Variants in SLC5A5 observed in about 807,000 individuals in gnomAD.
SLC5A5 encodes the protein sodium/iodide cotransporter.
A neutral mutation model predicts 68.6 loss-of-function variants in SLC5A5; 56 were observed. The ratio of observed to expected loss-of-function variants is 0.82; its 90% CI spans 0.66 to 1.02. SLC5A5 has a LOEUF of 1.02. Among genes scored for constraint, SLC5A5 ranks in the 50% least tolerant of loss-of-function variants. SLC5A5 has a pLI of 0.00. For missense variants in SLC5A5, 807 were observed against 859.8 expected, an observed-to-expected ratio of 0.94 and a Z score of 0.77; for synonymous variants, 398 against 373.0, an observed-to-expected ratio of 1.07 and a Z score of -0.77.
chr19:17,890,380 TTTTTG>T (rs374236682), intron 13 of SLC5A5, among the ~76,000 whole-genome samples: 37 of 151,880 alleles, frequency 2.4e-4, no homozygotes, highest in Admixed American at 3.9e-4. Flanking sequence ...TCCAATGATG[TTTTTG>T]TTTTGTTTTG....
rs528150801 is a variant in SLC5A5, at chr19:17,894,452, G to A, written c.*575G>A. The A allele has an allele frequency of 9.8e-4, 151 of 153,794 alleles. No homozygotes were observed. Among genetic ancestry groups the A allele is most frequent in the Middle Eastern group, 3.4e-3 (1 of 294 alleles). 9.5% of individuals were successfully genotyped at this position (153,794 alleles called of 1,614,324 possible). ...CGTAAGCTACCATGCCCAGCCTACC[G>A]TTTTTCTCAATCTATAATAGAAAGC... On this transcript the variant is annotated 3_prime_UTR_variant, in exon 15 of 15. Transcript: ENST00000222248.
chr19:17,874,353 C>G, intron 2 of SLC5A5, 141 bp from the exon 3 acceptor site: 1 of 951,518 alleles, frequency 1.1e-6, no homozygotes, highest in Non-Finnish European at 1.7e-6. Flanking sequence ...CACACCACAG[C>G]CGGCCTGACC....
intron 12 of SLC5A5, among the ~76,000 whole-genome samples, chr19:17,887,426 C>T (rs1287549040): frequency 6.6e-6 from 1 of 151,932 alleles, no homozygotes; most frequent in Non-Finnish European, 1.5e-5. Flanking sequence ...TCGTGAGTAG[C>T]TGTGACTACA....
chr19:17,875,566 C>T (rs1295562975), intron 4 of SLC5A5, among the ~76,000 whole-genome samples: 2 of 149,984 alleles, frequency 1.3e-5, no homozygotes, highest in Non-Finnish European at 3.0e-5. Context: ...GGTTCGAGAC[C>T]AGCCTAGGCA....
chr19:17,892,749 G>A (rs1443669723), intron 14 of SLC5A5, among the ~76,000 whole-genome samples: 2 of 143,296 alleles, frequency 1.4e-5, no homozygotes, highest in Non-Finnish European at 3.0e-5. Context: ...ATATTCAAAG[G>A]ATAATAAAAC....
rs1260229288 is a variant in SLC5A5, at chr19:17,889,412, A to AGG, written c.1651+957_1651+958insGG. Among the ~76,000 whole-genome samples, 303 of 140,918 alleles carry AGG rather than the reference A, an allele frequency of 2.2e-3. 1 individual carries two copies. The highest frequency in any genetic ancestry group is 8.2e-3 in the African/African-American group (287 of 35,084). 92.4% of individuals were successfully genotyped at this position (140,918 alleles called of 152,430 possible). On this transcript the variant is annotated intron_variant, in intron 13 of 14. Transcript: ENST00000222248. The stretch of plus-strand genomic sequence containing the variant: ...AGACTCCATCTAAAAGAAAGAAAGA[A>AGG]AGAAGGAAGGAAGGAAGGAAGGAAG...
chr19:17,883,649 G>T (rs774193105), intron 10 of SLC5A5, 32 bp from the exon 11 acceptor site: 2 of 1,579,334 alleles, frequency 1.3e-6, no homozygotes, highest in African/African-American at 1.3e-5. Flanking sequence ...GGAGGGCTCC[G>T]CCCTCAGCCC....
chr19:17,893,584 G>A lies in SLC5A5; in HGVS notation c.1768-129G>A, dbSNP rs35036312. On this transcript the variant is annotated intron_variant, in intron 14 of 14. Transcript: ENST00000222248. ...GGACTGGCCCGTGCACTGAGCAAGG[G>A]GATAGTATGCAATTCTGTGCACGCC... The A allele has an allele frequency of 0.21, 187,339 of 891,692 alleles. 21,592 individuals are homozygous for A. Among genetic ancestry groups the A allele is most frequent in the Non-Finnish European group, 0.24 (132,001 of 554,376 alleles). The allele number at this position is 891,692 out of a possible 1,614,324, so 55.2% of individuals were successfully genotyped here. A position where few individuals can be genotyped will look rare whatever the true frequency, so the allele number is the denominator to read the frequency against.
intron 7 of SLC5A5, among the ~76,000 whole-genome samples, chr19:17,880,495 G>T (rs113404474): frequency 0.017 from 2,537 of 152,188 alleles, 73 homozygotes; most frequent in African/African-American, 0.057. Context: ...GATTACACGC[G>T]TGAGTCACCC....
Position 17,874,485 on chromosome 19 carries a change from T to G in SLC5A5, c.424-9T>G. 6.2e-7 allele frequency: 1 copy of G among 1,613,852 alleles called. No individual in the cohort carries two copies. Among genetic ancestry groups the G allele is most frequent in the Non-Finnish European group, 8.5e-7 (1 of 1,179,922 alleles). ...CTCCCTGCTCACCCGCCCCACACTC[T>G]GTCTACAGATGCTGTACACCGGCAT... On this transcript the variant is annotated splice_polypyrimidine_tract_variant and intron_variant, in intron 2 of 14. Coordinates refer to ENST00000222248, the MANE Select transcript of SLC5A5 (RefSeq NM_000453.3).
intron 8 of SLC5A5, among the ~76,000 whole-genome samples, 166 bp downstream of exon 8, chr19:17,881,119 C>T (rs1033470524): frequency 6.6e-6 from 1 of 152,172 alleles, no homozygotes; most frequent in African/African-American, 2.4e-5. Context: ...AGAGAGCATG[C>T]CCTGGGCACA....
chr19:17,889,454 G>GAA (rs2030074137), intron 13 of SLC5A5, among the ~76,000 whole-genome samples: 6 of 151,616 alleles, frequency 4.0e-5, no homozygotes, highest in Admixed American at 2.6e-4. Context: ...AAGAGAAAGA[G>GAA]AGAGAGAGAG....
chr19:17,885,091 C>T (rs962429370), intron 12 of SLC5A5, among the ~76,000 whole-genome samples: 25 of 151,034 alleles, frequency 1.7e-4, no homozygotes, highest in African/African-American at 5.8e-4. Flanking sequence ...ACTGCTGCCT[C>T]AACCTCCTGG....
intron 5 of SLC5A5, among the ~76,000 whole-genome samples, chr19:17,876,954 C>A (rs2094308969): frequency 6.6e-6 from 1 of 151,942 alleles, no homozygotes; most frequent in Non-Finnish European, 1.5e-5. Flanking sequence ...TCGCTTGAAC[C>A]CAGGAGGCGG....
intron 1 of SLC5A5, among the ~76,000 whole-genome samples, 184 bp from the exon 2 acceptor site, chr19:17,873,954 G>A (rs532751753): frequency 6.6e-6 from 1 of 152,246 alleles, no homozygotes. Context: ...CACGGGGTAC[G>A]CACAGGCACG....
At chr19:17,882,105 G>A (rs780785425) in intron 9 of SLC5A5, 33 bp downstream of exon 9, 2 of 1,609,156 alleles carry the variant, frequency 1.2e-6, no homozygotes, top group Non-Finnish European at 1.7e-6. Flanking sequence ...TGGGAGGCCA[G>A]GGCAGTCCCT....
intron 1 of SLC5A5, among the ~76,000 whole-genome samples, chr19:17,872,922 G>A (rs889134892): frequency 6.6e-6 from 1 of 152,190 alleles, no homozygotes; most frequent in African/African-American, 2.4e-5. Flanking sequence ...AAGCGCGCGC[G>A]GGGCGGGGCC....
At chr19:17,874,364 C>T (rs1333733151) in intron 2 of SLC5A5, 130 bp from the exon 3 acceptor site, 3 of 1,038,956 alleles carry the variant, frequency 2.9e-6, no homozygotes, top group Non-Finnish European at 4.5e-6. Flanking sequence ...CGGCCTGACC[C>T]CGCCTGCACT....
chr19:17,887,788 A>T (rs1235869262), intron 12 of SLC5A5, among the ~76,000 whole-genome samples: 1 of 150,584 alleles, frequency 6.6e-6, no homozygotes, highest in Non-Finnish European at 1.5e-5. Context: ...TTTTATTTTT[A>T]GTAGAGACAG....
Sources: allele counts gnomAD v4.1 joint callset (sites outside exome capture counted in the v4.1 genomes callset), GRCh38; gene constraint gnomAD v4.1.1; transcripts MANE v1.5; gene names NCBI Gene and HGNC (gene_info 2026-07-23, HGNC 2026-07-21).